Variants in GPI observed in about 807,000 individuals in gnomAD.
GPI encodes glucose-6-phosphate isomerase.
Under a neutral mutation model 75.8 loss-of-function variants are expected in GPI, and 56 were observed. The ratio of observed to expected loss-of-function variants is 0.74; its 90% CI spans 0.60 to 0.92. GPI has a LOEUF of 0.92. GPI is among the 40% of genes least tolerant of loss of function. The probability of loss-of-function intolerance (pLI) is 0.00; values close to 1 mark genes in which losing one functional copy is unlikely to be tolerated. For missense variants in GPI, 638 were observed against 741.0 expected (o/e 0.86, Z 1.61); for synonymous variants, 288 against 285.4 (o/e 1.01, Z -0.09).
rs912100532 is a variant in GPI at position 34,379,985 on chromosome 19, G to T, written c.750+423G>T. ...TTTTGCCCCCTACTTAGTGTGTGTG[G>T]TTTTGTTTTTTTTTTTTTTTTTTTT... is the stretch of plus-strand genomic sequence containing the variant. On this transcript the variant is annotated intron_variant, in intron 8 of 17. Transcript: ENST00000356487. The T allele has an allele frequency of 1.2e-3, 153 of 127,938 alleles. 1 individual carries two copies. Among genetic ancestry groups the T allele is most frequent in the Middle Eastern group, 0.012 (3 of 258 alleles). 7.9% of individuals were successfully genotyped at this position (127,938 alleles called of 1,614,324 possible).
intron 1 of GPI, 42 bp downstream of exon 1, chr19:34,365,430 C>G (rs1299689703): frequency 6.6e-7 from 1 of 1,520,136 alleles, no homozygotes; most frequent in South Asian, 1.2e-5. Flanking sequence ...GCGCGGCGCC[C>G]GGAACCGGGC....
Position 34,365,387 on chromosome 19 carries a change from A to G in GPI, c.121A>G (p.Ser41Gly), listed in dbSNP as rs1484056502. The G allele has an allele frequency of 1.3e-6, 2 of 1,578,384 alleles. No homozygotes were observed. Among genetic ancestry groups the G allele is most frequent in the Non-Finnish European group, 1.7e-6 (2 of 1,165,786 alleles). The change falls in exon 1 of 18, where the codon AGC becomes GGC. Residue 41 changes from serine (S) to glycine (G), a missense_variant and splice_region_variant. Ser to Gly is a moderately conservative substitution (Grantham distance 56). Transcript: ENST00000356487. ...CAACAAGGACCGCTTCAACCACTTC[A>G]GGTGCGGGCGGGCCGGAGGCGGGGG... ...DANKDRFNHF[S>G]LTLNTNHGHI...
rs765553846 is a variant in GPI at position 34,396,624 on chromosome 19, C to A, written c.1236C>A (p.Thr412=). 1.9e-6 allele frequency: 3 copies of A among 1,614,202 alleles called. No homozygotes were observed. Among genetic ancestry groups the A allele is most frequent in the South Asian group, 2.2e-5 (2 of 91,084 alleles). The change falls in exon 14 of 18, where the codon ACC becomes ACA. Residue 412 remains threonine, a synonymous_variant. Coordinates refer to ENST00000356487, the MANE Select transcript of GPI (RefSeq NM_000175.5). ...GTGACTTCCTCATCCCGGTCCAGAC[C>A]CAGCACCCCATACGGAAGGGTCTGC... ...IPCDFLIPVQ[T]QHPIRKGLHH...
intron 4 of GPI, among the ~76,000 whole-genome samples, chr19:34,369,251 G>GTT (rs2074413816): frequency 6.6e-6 from 1 of 151,844 alleles, no homozygotes; most frequent in African/African-American, 2.4e-5. Flanking sequence ...ATTTCACCAT[G>GTT]TTGGCCAGGC....
chr19:34,378,817 C>A (rs2074593453), intron 6 of GPI, 117 bp from the exon 7 acceptor site: 3 of 781,126 alleles, frequency 3.8e-6, no homozygotes, highest in Admixed American at 1.9e-5. Flanking sequence ...CACTGACCTG[C>A]AAATACTGCT....
At position 34,401,974 on chromosome 19, in the gene GPI, TAA is replaced by T. The variant is rs1488414428; in HGVS notation, c.*1939_*1940del. 7.9e-5 allele frequency: 12 copies of T among 151,998 alleles called. No homozygotes were observed. Among genetic ancestry groups the T allele is most frequent in the African/African-American group, 2.9e-4 (12 of 41,394 alleles). 9.4% of individuals were successfully genotyped at this position (151,998 alleles called of 1,614,324 possible). A position where few individuals can be genotyped will look rare whatever the true frequency, so the allele number is the denominator to read the frequency against. ...ACAGGTGCCCGCCACCACACCCGGC[TAA>T]TTTTTTGTATTTTTAGTAGAGACGG... is the stretch of plus-strand genomic sequence containing the variant. On this transcript the variant is annotated 3_prime_UTR_variant, in exon 18 of 18. Coordinates refer to ENST00000356487, the MANE Select transcript of GPI (RefSeq NM_000175.5).
At chr19:34,379,105 TG>T in intron 7 of GPI, 100 bp downstream of exon 7, 1 of 1,067,206 alleles carries the variant, frequency 9.4e-7, no homozygotes, top group South Asian at 1.2e-5. Flanking sequence ...CTCCTGAAGT[TG>T]GAAGTGAAGG....
At chr19:34,387,014 C>T (rs576529256) in intron 9 of GPI, among the ~76,000 whole-genome samples, 10 of 152,306 alleles carry the variant, frequency 6.6e-5, no homozygotes, top group Admixed American at 3.3e-4. Flanking sequence ...CCAAGCCAGA[C>T]ACAGGATGTG....
At position 34,378,978 on chromosome 19, in the gene GPI, G is replaced by A; in HGVS notation, c.678G>A (p.Lys226=). ...QETITNAETA[K]EWFLQAAKDP... The stretch of plus-strand genomic sequence containing the variant: ...CCATCACGAATGCAGAGACGGCGAA[G>A]GAGTGGTTTCTCCAGGCGGCCAAGG... Residue 226 remains lysine (K), a synonymous_variant, in exon 7 of 18, where the codon AAG becomes AAA. Coordinates refer to ENST00000356487, the MANE Select transcript of GPI (RefSeq NM_000175.5). 1.2e-6 allele frequency: 2 copies of A among 1,614,252 alleles called. No individual in the cohort carries two copies. Among genetic ancestry groups the A allele is most frequent in the South Asian group, 1.1e-5 (1 of 91,088 alleles).
At chr19:34,374,721 CT>C (rs993251403) in intron 4 of GPI, among the ~76,000 whole-genome samples, 2 of 150,350 alleles carry the variant, frequency 1.3e-5, no homozygotes, top group African/African-American at 4.9e-5. Context: ...TTTCTTTTTT[CT>C]TTTTTTCTTT....
chr19:34,371,390 T>A (rs999368047), intron 4 of GPI, among the ~76,000 whole-genome samples: 32 of 152,140 alleles, frequency 2.1e-4, no homozygotes, highest in Non-Finnish European at 8.8e-5. Flanking sequence ...CAGCACATAT[T>A]CATATACTGT....
At chr19:34,360,162 G>C (rs2074293707), upstream of GPI, among the ~76,000 whole-genome samples, 1 of 152,066 alleles carries the variant, frequency 6.6e-6, no homozygotes, top group Non-Finnish European at 1.5e-5. Flanking sequence ...GTCAGTCCCT[G>C]GCCTGGGGGC....
intron 4 of GPI, among the ~76,000 whole-genome samples, chr19:34,372,326 T>A (rs1397598831): frequency 6.6e-6 from 1 of 152,158 alleles, no homozygotes; most frequent in Non-Finnish European, 1.5e-5. Flanking sequence ...TTGATGGAAA[T>A]TTTCCCATGG....
At chr19:34,368,757 A>G in intron 4 of GPI, 55 bp downstream of exon 4, 1 of 1,608,948 alleles carries the variant, frequency 6.2e-7, no homozygotes, top group Non-Finnish European at 8.5e-7. Flanking sequence ...GTTATTTGGG[A>G]ATCTGGGAGC....
chr19:34,385,360 C>CAAAAAAAAAA (rs58133757), intron 9 of GPI, among the ~76,000 whole-genome samples: 1 of 95,108 alleles, frequency 1.1e-5, no homozygotes. Flanking sequence ...AAACAAAAAA[C>CAAAAAAAAAA]AAAAAAAAAA....
chr19:34,395,073 T>C (rs1173494463), intron 12 of GPI, among the ~76,000 whole-genome samples: 3 of 152,196 alleles, frequency 2.0e-5, no homozygotes, highest in Non-Finnish European at 2.9e-5. Context: ...TGAGTTGCTC[T>C]GGGCAGGTAC....
chr19:34,385,636 C>T (rs2074724146), intron 9 of GPI, among the ~76,000 whole-genome samples: 1 of 152,178 alleles, frequency 6.6e-6, no homozygotes, highest in South Asian at 2.1e-4. Context: ...CCTAAAAAGT[C>T]ATAGTCAAGC....
At position 34,399,889 on chromosome 19, in the gene GPI, C is replaced by T; in HGVS notation, c.1542-12C>T. 1 of 1,614,030 alleles carries T rather than the reference C, an allele frequency of 6.2e-7. No individual in the cohort carries two copies. Among genetic ancestry groups the T allele is most frequent in the Non-Finnish European group, 8.5e-7 (1 of 1,179,922 alleles). ...CTCATACCACTCTTCCCTTCCCTTCCCTTCTTGGCAGAGTGGAGCTGGGAA... is the reference window on the plus strand; with the variant it reads ...CTCATACCACTCTTCCCTTCCCTTCTCTTCTTGGCAGAGTGGAGCTGGGAA... On this transcript the variant is annotated splice_polypyrimidine_tract_variant and intron_variant, in intron 17 of 17. Transcript: ENST00000356487.
chr19:34,367,016 G>A, intron 3 of GPI, 165 bp downstream of exon 3: 2 of 707,192 alleles, frequency 2.8e-6, no homozygotes, highest in Non-Finnish European at 5.1e-6. Flanking sequence ...GGGCTTTGGG[G>A]TGTGCCTTCC....
Sources: allele counts gnomAD v4.1 joint callset (sites outside exome capture counted in the v4.1 genomes callset), GRCh38; gene constraint gnomAD v4.1.1; transcripts MANE v1.5; gene names NCBI Gene and HGNC (gene_info 2026-07-23, HGNC 2026-07-21).